The following TSPAN9 variants were observed in gnomAD, a reference collection of about 807,000 sequenced individuals.
TSPAN9 encodes the protein tetraspanin-9.
Under a neutral mutation model 31.0 loss-of-function variants are expected in TSPAN9, and 16 were observed. The ratio of observed to expected loss-of-function variants is 0.52; its 90% CI spans 0.35 to 0.78. The LOEUF (loss-of-function observed/expected upper bound fraction) is 0.78. Among genes scored for constraint, TSPAN9 ranks in the 30% least tolerant of loss-of-function variants. The pLI is 0.01. For synonymous variants in TSPAN9, 145 were observed against 121.6 expected (o/e 1.19, Z -1.27); for missense variants, 272 against 312.5 (o/e 0.87, Z 0.98).
intron 2 of TSPAN9, among the ~76,000 whole-genome samples, chr12:3,093,264 C>T (rs959842083): frequency 5.9e-5 from 9 of 152,124 alleles, no homozygotes; most frequent in African/African-American, 1.9e-4. Flanking sequence ...GCCCATCAGC[C>T]GAAGTAGATG....
At chr12:3,246,945 C>T (rs1019049774) in intron 3 of TSPAN9, among the ~76,000 whole-genome samples, 4 of 152,080 alleles carry the variant, frequency 2.6e-5, no homozygotes, top group South Asian at 2.1e-4. Context: ...GGGCAGGTTC[C>T]AGGATAGATT....
chr12:3,205,475 C>T (rs1212168579), intron 3 of TSPAN9, among the ~76,000 whole-genome samples: 2 of 152,194 alleles, frequency 1.3e-5, no homozygotes, highest in Non-Finnish European at 2.9e-5. Flanking sequence ...ATTGGTGGCA[C>T]GTGCTTAGTA....
In TSPAN9 at chr12:3,158,505, C is replaced by T. The variant is rs1449184267; in HGVS notation, c.-17-42672C>T. On this transcript the variant is annotated intron_variant, in intron 2 of 8. Coordinates refer to ENST00000011898, the MANE Select transcript of TSPAN9 (RefSeq NM_006675.5). ...TTGGGAAGCTGAGGCAGGTGGATCACGAGGTCAGGAGTTCGAGACCAGCCT... is the reference window on the plus strand; with the variant it reads ...TTGGGAAGCTGAGGCAGGTGGATCATGAGGTCAGGAGTTCGAGACCAGCCT... 3.3e-5 allele frequency among the ~76,000 whole-genome samples: 5 copies of T among 151,862 alleles called. No homozygotes were observed. The South Asian group carries it at 8.3e-4, about 25-fold the overall frequency.
intron 3 of TSPAN9, among the ~76,000 whole-genome samples, chr12:3,248,529 A>G (rs998828515): frequency 6.6e-6 from 1 of 151,938 alleles, no homozygotes; most frequent in African/African-American, 2.4e-5. Context: ...GGTTTCAGCT[A>G]TGGATTCTGA....
Position 3,278,497 on chromosome 12 carries a change from G to A in TSPAN9, c.140G>A (p.Ser47Asn), listed in dbSNP as rs145477350. 3 of 1,614,196 alleles carry A rather than the reference G, an allele frequency of 1.9e-6. No individual in the cohort carries two copies. The highest frequency in any genetic ancestry group is 2.5e-6 in the Non-Finnish European group (3 of 1,180,028). ...GGCAACTTTGCCACCTTCTCCCCCA[G>A]CTTCCCTTCGTTGTCTGCAGCCAAC... ...SQGNFATFSP[S>N]FPSLSAANLV... Residue 47 changes from serine to asparagine, a missense_variant, in exon 4 of 9, where the codon AGC (serine) becomes AAC (asparagine). Coordinates refer to ENST00000011898, the MANE Select transcript of TSPAN9 (RefSeq NM_006675.5).
At chr12:3,245,626 G>A (rs572690699) in intron 3 of TSPAN9, among the ~76,000 whole-genome samples, 5 of 152,262 alleles carry the variant, frequency 3.3e-5, no homozygotes, top group Admixed American at 6.5e-5. Flanking sequence ...GCAGTATATC[G>A]GAAGAATCAG....
chr12:3,089,493 T>TC (rs1242452467), intron 2 of TSPAN9, among the ~76,000 whole-genome samples: 1 of 151,528 alleles, frequency 6.6e-6, no homozygotes, highest in Non-Finnish European at 1.5e-5. Context: ...GACGGGGTTT[T>TC]ACCGTGTTGG....
At chr12:3,235,910 A>G (rs577077885) in intron 3 of TSPAN9, among the ~76,000 whole-genome samples, 3 of 152,332 alleles carry the variant, frequency 2.0e-5, no homozygotes, top group Non-Finnish European at 2.9e-5. Flanking sequence ...AGTCCAGCCA[A>G]TCTTCTCAAA....
At chr12:3,167,115 C>T (rs895155329) in intron 2 of TSPAN9, among the ~76,000 whole-genome samples, 4 of 152,052 alleles carry the variant, frequency 2.6e-5, no homozygotes, top group Non-Finnish European at 5.9e-5. Flanking sequence ...AAGGCCTTTA[C>T]GTAAATGGGA....
At chr12:3,242,018 G>C (rs935239221) in intron 3 of TSPAN9, among the ~76,000 whole-genome samples, 2 of 152,260 alleles carry the variant, frequency 1.3e-5, no homozygotes, top group Non-Finnish European at 2.9e-5. Context: ...TTTCCTCTGA[G>C]TGGGGTCAGC....
At chr12:3,156,983 A>G (rs2098342579) in intron 2 of TSPAN9, among the ~76,000 whole-genome samples, 3 of 152,192 alleles carry the variant, frequency 2.0e-5, no homozygotes, top group African/African-American at 7.2e-5. Context: ...TATAGTATTG[A>G]TAAGGACAGT....
chr12:3,132,094 A>G (rs2098330067), intron 2 of TSPAN9, among the ~76,000 whole-genome samples: 1 of 152,240 alleles, frequency 6.6e-6, no homozygotes, highest in Non-Finnish European at 1.5e-5. Flanking sequence ...AGTGTGCATC[A>G]GTACTTCATT....
chr12:3,198,818 C>G (rs111698767), intron 2 of TSPAN9, among the ~76,000 whole-genome samples: 2,407 of 16,240 alleles, frequency 0.15, 286 homozygotes, highest in African/African-American at 0.2. Context: ...ACCAGCACAG[C>G]TCACCACCAG....
At chr12:3,244,443 C>T (rs928526792) in intron 3 of TSPAN9, among the ~76,000 whole-genome samples, 17 of 152,340 alleles carry the variant, frequency 1.1e-4, no homozygotes, top group African/African-American at 3.8e-4. Context: ...CTCTGCCAGC[C>T]GCAGCCCTGG....
intron 4 of TSPAN9, 37 bp from the exon 5 acceptor site, chr12:3,278,955 A>C (rs762474852): frequency 6.2e-7 from 1 of 1,608,738 alleles, no homozygotes; most frequent in South Asian, 1.1e-5. Flanking sequence ...AGCCCTGCCC[A>C]TTACCACCTA....
intron 1 of TSPAN9, among the ~76,000 whole-genome samples, chr12:3,078,215 C>A (rs974834990): frequency 5.3e-5 from 8 of 152,144 alleles, no homozygotes; most frequent in African/African-American, 1.9e-4. Context: ...CTTTTTCTCG[C>A]ATCACCAAAA....
intron 4 of TSPAN9, among the ~76,000 whole-genome samples, 163 bp from the exon 5 acceptor site, chr12:3,278,829 C>G (rs1386114192): frequency 2.0e-5 from 3 of 152,228 alleles, no homozygotes; most frequent in Non-Finnish European, 4.4e-5. Flanking sequence ...TAGTCAGCTC[C>G]TTTATGTCTC....
intron 2 of TSPAN9, chr12:3,174,034 C>T (rs1339308271): frequency 5.3e-5 from 8 of 152,290 alleles, no homozygotes; most frequent in Admixed American, 5.2e-4. Flanking sequence ...CTAGATGACC[C>T]TGAATAAATT....
In TSPAN9 at chr12:3,193,115, C is replaced by T. The variant is rs552802911; in HGVS notation, c.-17-8062C>T. On this transcript the variant is annotated intron_variant, in intron 2 of 8. Coordinates refer to ENST00000011898, the MANE Select transcript of TSPAN9 (RefSeq NM_006675.5). ...AGGCATCCAGCAGTGGGGTAACTCA[C>T]TCTAGATGGGATTTGGACACAGATT... Among the ~76,000 whole-genome samples, 4 of 152,252 alleles carry T rather than the reference C, an allele frequency of 2.6e-5. No homozygotes were observed. In the South Asian group the frequency reaches 8.3e-4, roughly 32 times the overall value.
Sources: gnomAD v4.1 joint callset for allele counts (sites outside exome capture counted in the v4.1 genomes callset) on GRCh38, gnomAD v4.1.1 for gene constraint, MANE v1.5 for transcripts, NCBI Gene and HGNC (gene_info 2026-07-23, HGNC 2026-07-21) for gene names.